Variants in ADAM2 observed in about 807,000 individuals in gnomAD.
The protein encoded by ADAM2 is disintegrin and metalloproteinase domain-containing protein 2.
Under a neutral mutation model 99.3 loss-of-function variants are expected in ADAM2, and 101 were observed. The observed-to-expected ratio is 1.02, with a 90% CI of 0.87 to 1.20. ADAM2 has a LOEUF of 1.20. Among genes scored for constraint, ADAM2 ranks in the 50% most tolerant of loss-of-function variants. ADAM2 has a pLI of 0.00. For missense variants in ADAM2, 948 were observed against 878.7 expected (o/e 1.08, Z -1.00); for synonymous variants, 323 against 287.6 (o/e 1.12, Z -1.25).
At chr8:39,760,435 G>C (rs998440499) in intron 15 of ADAM2, among the ~76,000 whole-genome samples, 2 of 152,066 alleles carry the variant, frequency 1.3e-5, no homozygotes, top group African/African-American at 4.8e-5. Context: ...TAAATACCAC[G>C]CTTTGGCCAG....
At chr8:39,803,792 T>C (rs775534806) in intron 7 of ADAM2, among the ~76,000 whole-genome samples, 18 of 152,222 alleles carry the variant, frequency 1.2e-4, no homozygotes, top group Non-Finnish European at 1.8e-4. Flanking sequence ...TTAAGGAGCG[T>C]TATAAGTGAA....
intron 3 of ADAM2, among the ~76,000 whole-genome samples, chr8:39,831,988 A>G (rs1805637390): frequency 6.6e-6 from 1 of 152,200 alleles, no homozygotes; most frequent in African/African-American, 2.4e-5. Context: ...TTGAAAATTC[A>G]GAGTCCTTAG....
At chr8:39,831,834 C>T (rs1805630103) in intron 3 of ADAM2, among the ~76,000 whole-genome samples, 1 of 151,968 alleles carries the variant, frequency 6.6e-6, no homozygotes, top group African/African-American at 2.4e-5. Flanking sequence ...ACTTGATTCA[C>T]TAAAATTTAT....
intron 12 of ADAM2, among the ~76,000 whole-genome samples, chr8:39,767,683 G>A (rs1036874037): frequency 1.3e-5 from 2 of 152,088 alleles, no homozygotes; most frequent in African/African-American, 4.8e-5. Flanking sequence ...ATGGTATATT[G>A]TTGATTTATT....
At chr8:39,818,225 G>C (rs547207173) in intron 6 of ADAM2, 1 of 152,020 alleles carries the variant, frequency 6.6e-6, no homozygotes, top group African/African-American at 2.4e-5. Context: ...AAAGAATTAT[G>C]CACTATAACA....
intron 3 of ADAM2, among the ~76,000 whole-genome samples, chr8:39,832,163 G>A (rs947772610): frequency 1.3e-5 from 2 of 152,082 alleles, no homozygotes; most frequent in African/African-American, 2.4e-5. Context: ...CATAAAATTG[G>A]TTCCTGGTGT....
At chr8:39,780,704 C>T (rs1481596880) in intron 10 of ADAM2, among the ~76,000 whole-genome samples, 1 of 152,096 alleles carries the variant, frequency 6.6e-6, no homozygotes, top group Non-Finnish European at 1.5e-5. Flanking sequence ...TATAATGCTA[C>T]TAAGATTTTG....
intron 17 of ADAM2, 93 bp from the exon 18 acceptor site, chr8:39,749,543 G>T (rs1823624581): frequency 6.8e-7 from 1 of 1,476,062 alleles, no homozygotes; most frequent in Admixed American, 1.8e-5. Context: ...GTCAGCTAAG[G>T]CCAATTTTCC....
At chr8:39,784,524 A>G (rs1803376223) in intron 10 of ADAM2, among the ~76,000 whole-genome samples, 2 of 152,046 alleles carry the variant, frequency 1.3e-5, no homozygotes, top group South Asian at 4.2e-4. Flanking sequence ...GCCTTCCACC[A>G]TGCCTGGCGA....
chr8:39,786,974 C>A lies in ADAM2; in HGVS notation c.891G>T (p.Leu297=). 1 of 1,583,322 alleles carries A rather than the reference C, an allele frequency of 6.3e-7. No individual in the cohort carries two copies. Among genetic ancestry groups the A allele is most frequent in the Non-Finnish European group, 8.6e-7 (1 of 1,164,542 alleles). The change falls in exon 10 of 21, where the codon CTG becomes CTT. Residue 297 remains leucine, a splice_region_variant and synonymous_variant. Transcript: ENST00000265708. Reference sequence around the variant, plus strand: ...CTTTCTATACATAACCATACCATACCAGAACAACACCTCCTGCATAGTTTG... The same window carrying A: ...CTTTCTATACATAACCATACCATACAAGAACAACACCTCCTGCATAGTTTG... ...CDANYAGGVV[L]HPRTISLESL...
intron 7 of ADAM2, among the ~76,000 whole-genome samples, chr8:39,807,730 T>C (rs1245958893): frequency 2.0e-5 from 3 of 152,070 alleles, no homozygotes; most frequent in African/African-American, 7.2e-5. Flanking sequence ...AGAATAAATA[T>C]ACTACACTAT....
At chr8:39,800,287 T>C (rs1001052766) in intron 7 of ADAM2, among the ~76,000 whole-genome samples, 8 of 152,228 alleles carry the variant, frequency 5.3e-5, no homozygotes, top group African/African-American at 1.9e-4. Flanking sequence ...CTTATGATGC[T>C]TAATTTGGCT....
At chr8:39,800,514 T>C (rs1275215920) in intron 7 of ADAM2, among the ~76,000 whole-genome samples, 1 of 152,084 alleles carries the variant, frequency 6.6e-6, no homozygotes, top group Non-Finnish European at 1.5e-5. Context: ...TGGAGTTGAT[T>C]TTCTCATGGT....
chr8:39,803,305 ACTT>A (rs1804293158), intron 7 of ADAM2, among the ~76,000 whole-genome samples: 1 of 152,174 alleles, frequency 6.6e-6, no homozygotes, highest in African/African-American at 2.4e-5. Context: ...GACCATCTAA[ACTT>A]AAGTTGTTTA....
chr8:39,821,079 T>C lies in ADAM2; in HGVS notation c.436A>G (p.Lys146Glu). ...FEHVIYQVKH[K>E]KADVSLYNEK... Reference sequence around the variant, plus strand: ...TTATATAAGGAAACATCTGCTTTCTTATGTTTTACTTGGTAAATTACATGT... The same window carrying C: ...TTATATAAGGAAACATCTGCTTTCTCATGTTTTACTTGGTAAATTACATGT... The change falls in exon 6 of 21, where the codon AAG (lysine) becomes GAG (glutamate). Residue 146 changes from lysine to glutamate, a missense_variant. By Grantham distance (56) the Lys-to-Glu change is moderately conservative (BLOSUM62 1). Coordinates refer to ENST00000265708, the MANE Select transcript of ADAM2 (RefSeq NM_001464.5). 1.2e-6 allele frequency: 2 copies of C among 1,606,612 alleles called. No homozygotes were observed. The highest frequency in any genetic ancestry group is 1.7e-6 in the Non-Finnish European group (2 of 1,173,578).
At chr8:39,836,612 TAAG>T (rs1019293045) in intron 2 of ADAM2, among the ~76,000 whole-genome samples, 3 of 151,922 alleles carry the variant, frequency 2.0e-5, no homozygotes, top group Non-Finnish European at 2.9e-5. Context: ...GTGAAAATGA[TAAG>T]AAGATTTTAA....
At chr8:39,780,723 T>G (rs1319221593) in intron 10 of ADAM2, among the ~76,000 whole-genome samples, 1 of 152,206 alleles carries the variant, frequency 6.6e-6, no homozygotes, top group African/African-American at 2.4e-5. Context: ...TGTTTCATCT[T>G]AAGTAATAGA....
chr8:39,759,932 T>C (rs1802285254), intron 15 of ADAM2, among the ~76,000 whole-genome samples: 2 of 152,206 alleles, frequency 1.3e-5, no homozygotes, highest in Non-Finnish European at 1.5e-5. Context: ...AGTGGCGCGA[T>C]CTCGGCTCAC....
rs567783812 is a variant in ADAM2, at chr8:39,817,162, G to T, written c.513+3840C>A. Among the ~76,000 whole-genome samples the T allele has an allele frequency of 3.3e-5, 5 of 152,082 alleles. No homozygotes were observed. The East Asian group carries it at 9.6e-4, about 29-fold the overall frequency. On this transcript the variant is annotated intron_variant, in intron 6 of 20. Coordinates refer to ENST00000265708, the MANE Select transcript of ADAM2 (RefSeq NM_001464.5). Reference sequence around the variant, plus strand: ...AATAGATTAGATATAAAAGAAGAAAGAATAAAGGAATAAGGAACATATAAG... The same window carrying T: ...AATAGATTAGATATAAAAGAAGAAATAATAAAGGAATAAGGAACATATAAG...
Sources: allele counts gnomAD v4.1 joint callset (sites outside exome capture counted in the v4.1 genomes callset), GRCh38; gene constraint gnomAD v4.1.1; transcripts MANE v1.5; gene names NCBI Gene and HGNC (gene_info 2026-07-23, HGNC 2026-07-21).